RNLS: variants seen among roughly 807,000 people sequenced by gnomAD.
RNLS encodes the protein renalase, FAD dependent amine oxidase.
Under a neutral mutation model 39.8 loss-of-function variants are expected in RNLS, and 39 were observed. That is an observed-to-expected ratio of 0.98 (90% CI 0.76 to 1.28). The LOEUF is 1.28. Ranked by LOEUF, RNLS falls within the 50% of genes most tolerant of loss-of-function variation. The probability of loss-of-function intolerance (pLI) is 0.00; values close to 1 mark genes in which losing one functional copy is unlikely to be tolerated. For synonymous variants in RNLS, 147 were observed against 150.7 expected (o/e 0.98, Z 0.18); for missense variants, 410 against 413.3 (o/e 0.99, Z 0.07).
At chr10:88,197,243 G>A in the RNLS span, among the ~76,000 whole-genome samples, 1 of 152,206 alleles carries the variant, frequency 6.6e-6, no homozygotes. Context: ...CACATAGTAA[G>A]TGTTAAATAA....
intron 4 of RNLS, among the ~76,000 whole-genome samples, chr10:88,523,258 G>A (rs1846871360): frequency 6.6e-6 from 1 of 152,000 alleles, no homozygotes; most frequent in South Asian, 2.1e-4. Context: ...TAATGCTATT[G>A]GTTAGCTATA....
At chr10:88,194,317 G>T in the RNLS span, among the ~76,000 whole-genome samples, 1 of 152,168 alleles carries the variant, frequency 6.6e-6, no homozygotes, top group Admixed American at 6.6e-5. Flanking sequence ...GATTGTGATA[G>T]CCAAAAATGT....
At chr10:88,416,238 TTTTTA>T (rs1314505425) in intron 4 of RNLS, among the ~76,000 whole-genome samples, 7 of 149,210 alleles carry the variant, frequency 4.7e-5, no homozygotes, top group African/African-American at 1.7e-4. Context: ...ATATATATAA[TTTTTA>T]TTTTATTTTA....
the RNLS span, among the ~76,000 whole-genome samples, chr10:88,190,223 A>AT: frequency 6.6e-6 from 1 of 152,228 alleles, no homozygotes. Context: ...GTCTGCTGTG[A>AT]TGCAGAGGAA....
At chr10:88,380,183 C>T (rs1589693266) in intron 4 of RNLS, among the ~76,000 whole-genome samples, 3 of 152,178 alleles carry the variant, frequency 2.0e-5, no homozygotes, top group African/African-American at 7.2e-5. Flanking sequence ...ACTGTCTATT[C>T]ACAAATTTTG....
At chr10:88,212,856 G>T in the RNLS span, among the ~76,000 whole-genome samples, 1 of 152,178 alleles carries the variant, frequency 6.6e-6, no homozygotes, top group Admixed American at 6.6e-5. Context: ...TTGGAATTTG[G>T]ATGTGCACTA....
At chr10:88,319,702 A>G (rs1846031139) in intron 5 of RNLS, among the ~76,000 whole-genome samples, 1 of 152,098 alleles carries the variant, frequency 6.6e-6, no homozygotes, top group Admixed American at 6.5e-5. Context: ...AGAGCTTGAA[A>G]TGTGGTCTTT....
chr10:88,195,976 G>C, the RNLS span, among the ~76,000 whole-genome samples: 4 of 152,082 alleles, frequency 2.6e-5, no homozygotes, highest in Non-Finnish European at 5.9e-5. Context: ...TGTTTAATTA[G>C]GATACTTGTT....
chr10:88,264,969 G>A, the RNLS span, among the ~76,000 whole-genome samples: 26 of 152,248 alleles, frequency 1.7e-4, no homozygotes, highest in South Asian at 5.2e-3. Context: ...ATGGCTTCAG[G>A]TCTTCTGTTT....
intron 4 of RNLS, among the ~76,000 whole-genome samples, chr10:88,442,732 T>C (rs1841791490): frequency 6.6e-6 from 1 of 152,138 alleles, no homozygotes; most frequent in African/African-American, 2.4e-5. Context: ...GATTTTTCCC[T>C]CTGCCTTTGA....
chr10:88,334,444 T>G (rs1847338180), intron 5 of RNLS, among the ~76,000 whole-genome samples: 1 of 152,206 alleles, frequency 6.6e-6, no homozygotes, highest in African/African-American at 2.4e-5. Context: ...GTTCAGGGTT[T>G]GGCACACAAT....
At chr10:88,417,892 A>G (rs1432907887) in intron 4 of RNLS, among the ~76,000 whole-genome samples, 1 of 152,180 alleles carries the variant, frequency 6.6e-6, no homozygotes, top group African/African-American at 2.4e-5. Flanking sequence ...TACTGTTTTA[A>G]GTGATCATGT....
chr10:88,230,103 G>A, the RNLS span, among the ~76,000 whole-genome samples: 1 of 152,166 alleles, frequency 6.6e-6, no homozygotes, highest in East Asian at 1.9e-4. Flanking sequence ...TCATTCCTCA[G>A]GTTGAAGATG....
At chr10:88,203,456 G>GTGTATATATATATATA in the RNLS span, among the ~76,000 whole-genome samples, 1 of 1,204 alleles carries the variant, frequency 8.3e-4, no homozygotes, top group African/African-American at 4.9e-3. Flanking sequence ...GTGTGTGTGT[G>GTGTATATATATATATA]TATATATATA....
chr10:88,540,318 G>A (rs1220619086), intron 4 of RNLS, among the ~76,000 whole-genome samples: 1 of 152,050 alleles, frequency 6.6e-6, no homozygotes, highest in Non-Finnish European at 1.5e-5. Context: ...TTGGAGATGT[G>A]ACTATAAAAG....
At chr10:88,578,902 GT>G (rs1850362712) in intron 3 of RNLS, among the ~76,000 whole-genome samples, 1 of 152,148 alleles carries the variant, frequency 6.6e-6, no homozygotes, top group Non-Finnish European at 1.5e-5. Flanking sequence ...CTAGAACAAT[GT>G]TTGGCATTAT....
chr10:88,476,124 C>T (rs935467324), intron 4 of RNLS, among the ~76,000 whole-genome samples: 11 of 152,150 alleles, frequency 7.2e-5, no homozygotes, highest in African/African-American at 2.7e-4. Context: ...ATATCAGTCC[C>T]TTCCAAACCT....
the RNLS span, among the ~76,000 whole-genome samples, chr10:88,189,837 T>A: frequency 0.052 from 7,948 of 152,326 alleles, 327 homozygotes; most frequent in East Asian, 0.18. Flanking sequence ...ACATCTGTGT[T>A]GTTTTAAAGG....
intron 5 of RNLS, among the ~76,000 whole-genome samples, chr10:88,347,341 C>T (rs1848377016): frequency 6.6e-6 from 1 of 152,126 alleles, no homozygotes; most frequent in Non-Finnish European, 1.5e-5. Context: ...CCACAGACAG[C>T]CTTTTTCCAG....
Sources: gnomAD v4.1 joint callset for allele counts (sites outside exome capture counted in the v4.1 genomes callset) on GRCh38, gnomAD v4.1.1 for gene constraint, MANE v1.5 for transcripts, NCBI Gene and HGNC (gene_info 2026-07-23, HGNC 2026-07-21) for gene names.